The following CNTN5 variants were observed in gnomAD, a reference collection of about 807,000 sequenced individuals.
CNTN5 encodes the protein contactin-5.
Under a neutral mutation model 129.1 loss-of-function variants are expected in CNTN5, and 77 were observed. The observed-to-expected ratio is 0.60, with a 90% CI of 0.50 to 0.72. The LOEUF (loss-of-function observed/expected upper bound fraction) is 0.72, where lower values mean the gene tolerates loss of function less well. Ranked by LOEUF, CNTN5 falls within the 30% of genes least tolerant of loss-of-function variation. The pLI is 0.00. For missense variants in CNTN5, 1,478 were observed against 1,328.8 expected (o/e 1.11, Z -1.75); for synonymous variants, 509 against 465.6 (o/e 1.09, Z -1.20).
chr11:99,389,696 A>G (rs1198377798), intron 2 of CNTN5, among the ~76,000 whole-genome samples: 1 of 152,204 alleles, frequency 6.6e-6, no homozygotes, highest in African/African-American at 2.4e-5. Context: ...TAGCAGAATG[A>G]CTAACAGAAT....
At chr11:99,914,794 T>C (rs1415094785) in intron 6 of CNTN5, among the ~76,000 whole-genome samples, 2 of 152,092 alleles carry the variant, frequency 1.3e-5, no homozygotes, top group Non-Finnish European at 2.9e-5. Context: ...CCCCATGATT[T>C]TGGATGTGTT....
chr11:99,837,732 TG>T (rs1947352751), intron 4 of CNTN5, among the ~76,000 whole-genome samples: 1 of 150,702 alleles, frequency 6.6e-6, no homozygotes. Context: ...GTGATAATGA[TG>T]ACATTAAAAT....
intron 3 of CNTN5, among the ~76,000 whole-genome samples, chr11:99,658,835 C>A (rs1033748122): frequency 4.2e-5 from 6 of 143,766 alleles, no homozygotes; most frequent in Non-Finnish European, 9.0e-5. Flanking sequence ...ATGCAGTGGG[C>A]CAAGATGGCA....
At position 99,122,995 on chromosome 11, in the gene CNTN5, G is replaced by A. The variant is rs572286578; in HGVS notation, c.-210+101725G>A. Among the ~76,000 whole-genome samples, 4 of 152,224 alleles carry A rather than the reference G, an allele frequency of 2.6e-5. No individual in the cohort carries two copies. In the East Asian group the frequency reaches 7.7e-4, roughly 29 times the overall value. ...TGTCTTTGCTGTCTTGAATAGTGCT[G>A]TAATAAACATACATGTGCATGTGTC... On this transcript the variant is annotated intron_variant, in intron 1 of 24. Coordinates refer to ENST00000524871, the MANE Select transcript of CNTN5 (RefSeq NM_014361.4).
intron 1 of CNTN5, among the ~76,000 whole-genome samples, chr11:99,214,880 A>G (rs1490989781): frequency 6.6e-6 from 1 of 152,108 alleles, no homozygotes. Context: ...TCTGCCAGTC[A>G]TCATCTTTAT....
intron 16 of CNTN5, among the ~76,000 whole-genome samples, chr11:100,245,841 T>C (rs1949830080): frequency 6.6e-6 from 1 of 152,152 alleles, no homozygotes; most frequent in Non-Finnish European, 1.5e-5. Flanking sequence ...GTGAGTTATC[T>C]GAACTTTCTG....
At chr11:99,345,132 G>A (rs1937740276) in intron 2 of CNTN5, among the ~76,000 whole-genome samples, 1 of 152,038 alleles carries the variant, frequency 6.6e-6, no homozygotes, top group Admixed American at 6.6e-5. Flanking sequence ...TAGGACTCCT[G>A]TAAAGCAAGC....
intron 3 of CNTN5, among the ~76,000 whole-genome samples, chr11:99,579,150 G>A (rs10893531): frequency 0.66 from 99,671 of 151,744 alleles, 36,994 homozygotes; most frequent in Non-Finnish European, 0.81. Context: ...TAGATATGCG[G>A]CATTATTTCT....
chr11:100,353,920 CA>C (rs1311727527), intron 24 of CNTN5, among the ~76,000 whole-genome samples: 1 of 151,428 alleles, frequency 6.6e-6, no homozygotes, highest in Admixed American at 6.6e-5. Context: ...CCCCAAATCC[CA>C]TTACACTCAG....
chr11:99,862,680 G>C (rs969392696), intron 6 of CNTN5, among the ~76,000 whole-genome samples: 10 of 151,742 alleles, frequency 6.6e-5, no homozygotes, highest in African/African-American at 2.4e-4. Flanking sequence ...TAAATCACTG[G>C]TAAACAATGA....
chr11:99,773,316 T>C (rs1945007326), intron 3 of CNTN5, among the ~76,000 whole-genome samples: 1 of 152,138 alleles, frequency 6.6e-6, no homozygotes, highest in Non-Finnish European at 1.5e-5. Context: ...TTTTATATAG[T>C]TCTAAAAATT....
intron 6 of CNTN5, among the ~76,000 whole-genome samples, chr11:99,853,993 A>T (rs570930471): frequency 6.6e-6 from 1 of 152,218 alleles, no homozygotes; most frequent in African/African-American, 2.4e-5. Flanking sequence ...TTTGCATTAC[A>T]TTTTTGTTTT....
rs144517486 is a variant in CNTN5 at position 99,610,981 on chromosome 11, A to C, written c.55+54712A>C. Among the ~76,000 whole-genome samples the C allele has an allele frequency of 2.1e-3, 322 of 152,318 alleles. 1 individual carries two copies. The highest frequency in any genetic ancestry group is 7.0e-3 in the African/African-American group (293 of 41,574). On this transcript the variant is annotated intron_variant, in intron 3 of 24. Transcript: ENST00000524871. ...GCGTGCACACCAAAGCAAATCATTG[A>C]AACTGCTTACTAATGTAGTTGAGCC...
At chr11:100,083,212 G>C (rs553869875) in intron 13 of CNTN5, among the ~76,000 whole-genome samples, 16 of 151,858 alleles carry the variant, frequency 1.1e-4, no homozygotes, top group African/African-American at 3.9e-4. Context: ...AGCTACTCGG[G>C]AGGATGAGGC....
At chr11:99,803,382 G>C (rs1485069387) in intron 3 of CNTN5, among the ~76,000 whole-genome samples, 1 of 152,166 alleles carries the variant, frequency 6.6e-6, no homozygotes, top group Non-Finnish European at 1.5e-5. Flanking sequence ...CATAATTCCA[G>C]TGCCTTTTCA....
intron 1 of CNTN5, among the ~76,000 whole-genome samples, chr11:99,073,702 T>C (rs549753291): frequency 3.9e-5 from 6 of 152,236 alleles, no homozygotes; most frequent in Non-Finnish European, 8.8e-5. Context: ...TTCCAGCTTC[T>C]TCCATGTCTC....
At chr11:99,730,157 G>C (rs4341501) in intron 3 of CNTN5, among the ~76,000 whole-genome samples, 23,037 of 152,064 alleles carry the variant, frequency 0.15, 2,292 homozygotes, top group East Asian at 0.32. Flanking sequence ...CTTATATTGT[G>C]AATAACTATT....
chr11:99,823,567 T>C (rs775452349), intron 4 of CNTN5, among the ~76,000 whole-genome samples: 3 of 152,172 alleles, frequency 2.0e-5, no homozygotes, highest in Non-Finnish European at 4.4e-5. Context: ...ATTGTCCTAC[T>C]ATTTTAAGTG....
chr11:100,276,406 G>C (rs1414768411), intron 18 of CNTN5, among the ~76,000 whole-genome samples: 1 of 151,734 alleles, frequency 6.6e-6, no homozygotes, highest in Non-Finnish European at 1.5e-5. Flanking sequence ...AGGCATGGTG[G>C]CACACACCTG....
Sources: allele counts gnomAD v4.1 joint callset (sites outside exome capture counted in the v4.1 genomes callset), GRCh38; gene constraint gnomAD v4.1.1; transcripts MANE v1.5; gene names NCBI Gene and HGNC (gene_info 2026-07-23, HGNC 2026-07-21).